The following KIAA0825 variants were observed in gnomAD, a reference collection of about 807,000 sequenced individuals.
KIAA0825 encodes uncharacterized protein KIAA0825.
KIAA0825 carries 119 observed loss-of-function variants against 147.6 expected under a neutral mutation model. The observed-to-expected ratio is 0.81, with a 90% confidence interval of 0.69 to 0.94. KIAA0825 has a LOEUF of 0.94. Among genes scored for constraint, KIAA0825 ranks in the 40% least tolerant of loss-of-function variants. The pLI is 0.00. For missense variants in KIAA0825, 1,381 were observed against 1,472.7 expected (o/e 0.94, Z 1.02); for synonymous variants, 470 against 518.1 (o/e 0.91, Z 1.26).
chr5:94,314,407 A>G (rs1779459434), intron 20 of KIAA0825, among the ~76,000 whole-genome samples: 1 of 151,688 alleles, frequency 6.6e-6, no homozygotes, highest in Admixed American at 6.6e-5. Flanking sequence ...CATGGAGTTT[A>G]GAGGTATGCT....
intron 20 of KIAA0825, among the ~76,000 whole-genome samples, chr5:94,375,033 CT>C (rs35435550): frequency 0.29 from 38,341 of 130,182 alleles, 5,007 homozygotes; most frequent in African/African-American, 0.37. Flanking sequence ...CTTTCCTTCT[CT>C]TTTTTTTTTT....
At chr5:94,351,449 C>A (rs916973938) in intron 20 of KIAA0825, among the ~76,000 whole-genome samples, 3 of 152,122 alleles carry the variant, frequency 2.0e-5, no homozygotes, top group Admixed American at 2.0e-4. Flanking sequence ...ATGACATGAA[C>A]AAATGGAAAC....
intron 15 of KIAA0825, among the ~76,000 whole-genome samples, chr5:94,405,451 A>G (rs1751918708): frequency 6.6e-6 from 1 of 152,196 alleles, no homozygotes; most frequent in Non-Finnish European, 1.5e-5. Flanking sequence ...TAATTATTCT[A>G]TTAATATATT....
intron 20 of KIAA0825, among the ~76,000 whole-genome samples, chr5:94,255,578 G>A (rs1776204220): frequency 6.6e-6 from 1 of 151,910 alleles, no homozygotes; most frequent in Non-Finnish European, 1.5e-5. Context: ...GGGGAGATGG[G>A]CAGAAATATG....
chr5:94,369,746 GTA>G (rs1210989116), intron 20 of KIAA0825, among the ~76,000 whole-genome samples: 2 of 152,076 alleles, frequency 1.3e-5, no homozygotes, highest in African/African-American at 4.8e-5. Context: ...CCAAAGACTC[GTA>G]TATAGACACG....
At chr5:94,361,223 A>G (rs1221832822) in intron 20 of KIAA0825, among the ~76,000 whole-genome samples, 1 of 152,218 alleles carries the variant, frequency 6.6e-6, no homozygotes, top group African/African-American at 2.4e-5. Context: ...ATATTTAAAA[A>G]TAATAAAGTG....
chr5:94,484,883 C>A lies in KIAA0825; in HGVS notation c.1018G>T (p.Asp340Tyr). The change falls in exon 6 of 21, where the codon GAC becomes TAC. Residue 340 changes from aspartate to tyrosine, a missense_variant. Physicochemically the swap from Asp to Tyr is radical, Grantham distance 160. Coordinates refer to ENST00000682413, the MANE Select transcript of KIAA0825 (RefSeq NM_001145678.3). ...AGCTGCGATAAGAATTCGACTTTGT[C>A]TAAAGGGAGAGAGAAGTTTCTTCCT... is the stretch of plus-strand genomic sequence containing the variant. ...QKGRNFSLPL[D>Y]KVEFLSQLIK... The A allele has an allele frequency of 6.5e-7, 1 of 1,532,864 alleles. No individual in the cohort carries two copies. Among genetic ancestry groups the A allele is most frequent in the Non-Finnish European group, 8.8e-7 (1 of 1,134,070 alleles). 95.0% of individuals were successfully genotyped at this position (1,532,864 alleles called of 1,614,324 possible).
intron 20 of KIAA0825, among the ~76,000 whole-genome samples, chr5:94,361,040 C>T (rs959223974): frequency 6.6e-6 from 1 of 152,122 alleles, no homozygotes; most frequent in Non-Finnish European, 1.5e-5. Flanking sequence ...GAAATCCTAA[C>T]AAAATCATGT....
At chr5:94,279,740 G>A (rs1024180879) in intron 20 of KIAA0825, among the ~76,000 whole-genome samples, 1 of 151,928 alleles carries the variant, frequency 6.6e-6, no homozygotes, top group African/African-American at 2.4e-5. Context: ...AGATAATTAG[G>A]ATCAGTTATC....
rs1009936750 is a variant in KIAA0825, at chr5:94,227,613, C to T, written c.3711-73489G>A. 6.0e-5 allele frequency among the ~76,000 whole-genome samples: 9 copies of T among 150,680 alleles called. No individual in the cohort carries two copies. In the South Asian group the frequency reaches 6.3e-4, roughly 11 times the overall value. ...AAATTAAAAAAAAAAGAAAATATGG[C>T]GCAAATACACCATGGGATACTACGC... On this transcript the variant is annotated intron_variant, in intron 20 of 20. Transcript: ENST00000682413.
At chr5:94,403,845 T>C in intron 15 of KIAA0825, 52 bp from the exon 16 acceptor site, 2 of 1,423,062 alleles carry the variant, frequency 1.4e-6, no homozygotes, top group South Asian at 2.5e-5. Context: ...AAATCAGTTG[T>C]GCCTTGCTCA....
chr5:94,487,222 C>G (rs1339813101), intron 5 of KIAA0825, among the ~76,000 whole-genome samples: 1 of 152,100 alleles, frequency 6.6e-6, no homozygotes, highest in Non-Finnish European at 1.5e-5. Context: ...ATCTTTATAA[C>G]TAAATAATGT....
intron 20 of KIAA0825, among the ~76,000 whole-genome samples, chr5:94,182,347 C>T (rs557268361): frequency 7.3e-6 from 1 of 136,410 alleles, no homozygotes; most frequent in African/African-American, 2.7e-5. Context: ...GAAGCCTCCG[C>T]CTCCTGGGTT....
intron 20 of KIAA0825, among the ~76,000 whole-genome samples, chr5:94,324,480 A>G (rs1780489601): frequency 6.6e-6 from 1 of 152,018 alleles, no homozygotes; most frequent in Non-Finnish European, 1.5e-5. Flanking sequence ...GTTTAAAAAT[A>G]AATCCTACAA....
chr5:94,490,198 T>C (rs1199439155), intron 5 of KIAA0825, among the ~76,000 whole-genome samples: 1 of 152,142 alleles, frequency 6.6e-6, no homozygotes, highest in East Asian at 1.9e-4. Context: ...TTTGCCATAG[T>C]ATCGCAGAAC....
At chr5:94,441,181 C>A (rs945747189) in intron 13 of KIAA0825, among the ~76,000 whole-genome samples, 3 of 147,358 alleles carry the variant, frequency 2.0e-5, no homozygotes, top group Admixed American at 2.0e-4. Context: ...CAATGGTTTT[C>A]AAAGCTTGGG....
chr5:94,155,680 C>A (rs1180652307), intron 20 of KIAA0825, among the ~76,000 whole-genome samples: 1 of 152,158 alleles, frequency 6.6e-6, no homozygotes. Context: ...TTCTGCTTCA[C>A]CCTCTGCCTA....
chr5:94,534,671 T>A (rs1228539700), intron 3 of KIAA0825, among the ~76,000 whole-genome samples: 1 of 152,214 alleles, frequency 6.6e-6, no homozygotes, highest in Non-Finnish European at 1.5e-5. Context: ...TTTTAATCAC[T>A]GTTTTACTTT....
At chr5:94,575,903 T>A (rs1236244354) in intron 2 of KIAA0825, among the ~76,000 whole-genome samples, 1 of 152,230 alleles carries the variant, frequency 6.6e-6, no homozygotes, top group African/African-American at 2.4e-5. Context: ...CAGTAAGGGA[T>A]AAATTATTAC....
Sources: allele counts gnomAD v4.1 joint callset (sites outside exome capture counted in the v4.1 genomes callset), GRCh38; gene constraint gnomAD v4.1.1; transcripts MANE v1.5; gene names NCBI Gene and HGNC (gene_info 2026-07-23, HGNC 2026-07-21).